SLC2A13: variants seen among roughly 807,000 people sequenced by gnomAD.
The protein encoded by SLC2A13 is proton myo-inositol cotransporter.
Under a neutral mutation model 64.4 loss-of-function variants are expected in SLC2A13, and 32 were observed. That is an observed-to-expected ratio of 0.50 (90% CI 0.37 to 0.67). SLC2A13 has a LOEUF of 0.67. Ranked by LOEUF, SLC2A13 falls within the 30% of genes least tolerant of loss-of-function variation. The pLI is 0.00. For synonymous variants in SLC2A13, 338 were observed against 327.1 expected, an observed-to-expected ratio of 1.03 and a Z score of -0.36; for missense variants, 743 against 829.2, an observed-to-expected ratio of 0.90 and a Z score of 1.28.
chr12:39,914,947 A>G (rs765680868), intron 4 of SLC2A13, among the ~76,000 whole-genome samples: 3 of 152,010 alleles, frequency 2.0e-5, no homozygotes, highest in Non-Finnish European at 4.4e-5. Context: ...TGTTGACTAC[A>G]TCAACAAAGG....
chr12:39,966,136 TATAG>T (rs779420932), intron 3 of SLC2A13, among the ~76,000 whole-genome samples: 1 of 147,754 alleles, frequency 6.8e-6, no homozygotes, highest in Non-Finnish European at 1.5e-5. Context: ...TATATATATA[TATAG>T]AGAGAGAGAG....
At chr12:39,966,403 C>T (rs1157492175) in intron 3 of SLC2A13, among the ~76,000 whole-genome samples, 1 of 151,962 alleles carries the variant, frequency 6.6e-6, no homozygotes, top group Non-Finnish European at 1.5e-5. Context: ...TTCCTTCTTC[C>T]ATGTTTTTAA....
chr12:40,097,339 A>G (rs1480338799), intron 1 of SLC2A13, among the ~76,000 whole-genome samples: 2 of 152,206 alleles, frequency 1.3e-5, no homozygotes, highest in Non-Finnish European at 2.9e-5. Flanking sequence ...TGACTCCAAC[A>G]GTTTTAGTTT....
intron 4 of SLC2A13, among the ~76,000 whole-genome samples, chr12:39,930,334 A>C (rs1158455672): frequency 6.6e-6 from 1 of 152,148 alleles, no homozygotes; most frequent in Non-Finnish European, 1.5e-5. Context: ...AAATTTAATC[A>C]CAGTGCACAG....
At chr12:39,923,668 G>GTATATA (rs72398744) in intron 4 of SLC2A13, among the ~76,000 whole-genome samples, 3 of 106,556 alleles carry the variant, frequency 2.8e-5, no homozygotes, top group Non-Finnish European at 4.1e-5. Flanking sequence ...GTGATTATAT[G>GTATATA]TATATATATA....
At chr12:40,006,782 G>GT (rs1947428160) in intron 3 of SLC2A13, among the ~76,000 whole-genome samples, 1 of 152,116 alleles carries the variant, frequency 6.6e-6, no homozygotes, top group Non-Finnish European at 1.5e-5. Flanking sequence ...AGAAAAAGTG[G>GT]TTTACAAGAA....
In SLC2A13 at chr12:39,813,363, G is replaced by A. The variant is rs555214374; in HGVS notation, c.1445+16740C>T. On this transcript the variant is annotated intron_variant, in intron 7 of 9. Coordinates refer to ENST00000280871, the MANE Select transcript of SLC2A13 (RefSeq NM_052885.4). ...AGTAGAGAGTATAGTATAATTAACCGGATGTACCCATAACAAACTTTCAAC... is the reference window on the plus strand; with the variant it reads ...AGTAGAGAGTATAGTATAATTAACCAGATGTACCCATAACAAACTTTCAAC... Among the ~76,000 whole-genome samples, 23 of 151,772 alleles carry A rather than the reference G, an allele frequency of 1.5e-4. 1 individual carries two copies. The South Asian group carries it at 4.4e-3, about 29-fold the overall frequency.
intron 9 of SLC2A13, among the ~76,000 whole-genome samples, chr12:39,762,185 G>A (rs918966055): frequency 6.6e-6 from 1 of 152,024 alleles, no homozygotes; most frequent in African/African-American, 2.4e-5. Flanking sequence ...GGGCAGACCT[G>A]GGAGGCTGTG....
intron 3 of SLC2A13, among the ~76,000 whole-genome samples, chr12:39,993,198 C>A (rs1947169422): frequency 1.3e-5 from 2 of 152,138 alleles, no homozygotes; most frequent in South Asian, 4.1e-4. Flanking sequence ...CAGTAACCAT[C>A]ACATTTTTAG....
At chr12:40,001,278 C>T (rs183112779) in intron 3 of SLC2A13, among the ~76,000 whole-genome samples, 5 of 152,238 alleles carry the variant, frequency 3.3e-5, no homozygotes, top group African/African-American at 1.2e-4. Flanking sequence ...TAACAAGCCA[C>T]CCTGTAATTT....
chr12:40,101,822 GTTTGT>G (rs1426662435), intron 1 of SLC2A13, among the ~76,000 whole-genome samples: 2 of 135,994 alleles, frequency 1.5e-5, no homozygotes, highest in African/African-American at 2.5e-5. Flanking sequence ...ACTCAAGGTT[GTTTGT>G]TTTTTTTTTT....
chr12:39,876,910 G>T (rs1944196861), intron 4 of SLC2A13, among the ~76,000 whole-genome samples: 1 of 152,116 alleles, frequency 6.6e-6, no homozygotes, highest in African/African-American at 2.4e-5. Flanking sequence ...AGTTACATGA[G>T]AAAGTATGGA....
intron 4 of SLC2A13, among the ~76,000 whole-genome samples, chr12:39,938,565 T>C (rs780948190): frequency 1.6e-4 from 25 of 152,134 alleles, no homozygotes; most frequent in Non-Finnish European, 2.9e-5. Context: ...ACAAAATTAT[T>C]TGTGAATCAT....
chr12:39,935,694 C>T (rs1411331637), intron 4 of SLC2A13, among the ~76,000 whole-genome samples: 1 of 152,086 alleles, frequency 6.6e-6, no homozygotes, highest in African/African-American at 2.4e-5. Flanking sequence ...TTTACATTGG[C>T]CCCTTGGTTC....
At chr12:39,868,194 G>C (rs969905598) in intron 5 of SLC2A13, among the ~76,000 whole-genome samples, 3 of 152,162 alleles carry the variant, frequency 2.0e-5, no homozygotes, top group Admixed American at 6.5e-5. Flanking sequence ...GGTGTACTGT[G>C]TAGTTTTGGC....
At chr12:39,998,093 A>T (rs929231520) in intron 3 of SLC2A13, among the ~76,000 whole-genome samples, 13 of 152,206 alleles carry the variant, frequency 8.5e-5, no homozygotes, top group South Asian at 2.1e-4. Flanking sequence ...CAGCACAATT[A>T]GCAACTGCAA....
chr12:39,936,029 C>T (rs1017537774), intron 4 of SLC2A13, among the ~76,000 whole-genome samples: 1 of 152,200 alleles, frequency 6.6e-6, no homozygotes, highest in African/African-American at 2.4e-5. Context: ...GCAAAAGCCA[C>T]AAAGGGCCCT....
rs76080602 is a variant in SLC2A13 at position 39,813,967 on chromosome 12, G to A, written c.1445+16136C>T. Among the ~76,000 whole-genome samples, 7 of 152,216 alleles carry A rather than the reference G, an allele frequency of 4.6e-5. No individual in the cohort carries two copies. The South Asian group carries it at 1.0e-3, about 23-fold the overall frequency. On this transcript the variant is annotated intron_variant, in intron 7 of 9. Transcript: ENST00000280871. Reference sequence around the variant, plus strand: ...TCCACATTTCGAAAGTTTCAATCTTGGACAATTTCCAGTATGAGTGATTTC... The same window carrying A: ...TCCACATTTCGAAAGTTTCAATCTTAGACAATTTCCAGTATGAGTGATTTC...
At chr12:39,896,410 A>G (rs1592257491) in intron 4 of SLC2A13, among the ~76,000 whole-genome samples, 7 of 132,334 alleles carry the variant, frequency 5.3e-5, no homozygotes, top group Admixed American at 4.0e-4. Flanking sequence ...GTATACATAT[A>G]TGTATGTATA....
Sources: gnomAD v4.1 joint callset for allele counts (sites outside exome capture counted in the v4.1 genomes callset) on GRCh38, gnomAD v4.1.1 for gene constraint, MANE v1.5 for transcripts, NCBI Gene and HGNC (gene_info 2026-07-23, HGNC 2026-07-21) for gene names.